Variants in ZC3H18 observed in about 807,000 individuals in gnomAD.
ZC3H18 encodes zinc finger CCCH domain-containing protein 18.
Under a neutral mutation model 106.1 loss-of-function variants are expected in ZC3H18, and 8 were observed. That is an observed-to-expected ratio of 0.08 (90% confidence interval 0.04 to 0.14). The LOEUF (loss-of-function observed/expected upper bound fraction) is 0.14. Ranked by LOEUF, ZC3H18 falls within the 10% of genes least tolerant of loss-of-function variation. The pLI is 1.00. For synonymous variants in ZC3H18, 635 were observed against 522.1 expected (o/e 1.22, Z -2.95); for missense variants, 1,318 against 1,278.4 (o/e 1.03, Z -0.47).
At chr16:88,570,991 C>T (rs1914366643) in intron 1 of ZC3H18, among the ~76,000 whole-genome samples, 3 of 152,216 alleles carry the variant, frequency 2.0e-5, no homozygotes, top group Admixed American at 6.5e-5. Context: ...ACTTTGAGCT[C>T]TTTATGAACC....
At chr16:88,615,058 CCT>C (rs1905502027) in intron 8 of ZC3H18, among the ~76,000 whole-genome samples, 1 of 150,942 alleles carries the variant, frequency 6.6e-6, no homozygotes, top group African/African-American at 2.4e-5. Context: ...GTTCCCTCTG[CCT>C]GGACGGGCTG....
intron 2 of ZC3H18, among the ~76,000 whole-genome samples, chr16:88,585,812 A>G (rs1448518197): frequency 1.3e-5 from 2 of 152,046 alleles, no homozygotes; most frequent in East Asian, 1.9e-4. Context: ...GAGGGGCCAC[A>G]TGGGACCGGT....
At chr16:88,595,400 T>G (rs2142651112) in intron 3 of ZC3H18, among the ~76,000 whole-genome samples, 1 of 152,338 alleles carries the variant, frequency 6.6e-6, no homozygotes, top group South Asian at 2.1e-4. Flanking sequence ...CACATAAATT[T>G]TGGGTTTGAA....
At chr16:88,620,916 A>C (rs1905917037) in intron 8 of ZC3H18, among the ~76,000 whole-genome samples, 1 of 152,206 alleles carries the variant, frequency 6.6e-6, no homozygotes, top group Non-Finnish European at 1.5e-5. Context: ...CCCAGTTTGG[A>C]GTGCAGTGGC....
intron 8 of ZC3H18, among the ~76,000 whole-genome samples, chr16:88,614,787 C>T (rs1055837767): frequency 6.6e-6 from 1 of 152,212 alleles, no homozygotes; most frequent in African/African-American, 2.4e-5. Flanking sequence ...GGATAGAAGC[C>T]CTTCCCCTAC....
At chr16:88,609,446 C>T (rs774707724) in intron 7 of ZC3H18, among the ~76,000 whole-genome samples, 1 of 152,002 alleles carries the variant, frequency 6.6e-6, no homozygotes, top group Non-Finnish European at 1.5e-5. Context: ...CACACGCATG[C>T]ACCACCATGC....
chr16:88,627,273 T>C lies in ZC3H18; in HGVS notation c.2109-349T>C, dbSNP rs1276485138. 1.1e-5 allele frequency: 2 copies of C among 185,164 alleles called. No individual in the cohort carries two copies. 11.5% of individuals were successfully genotyped at this position (185,164 alleles called of 1,614,324 possible). A position where few individuals can be genotyped will look rare whatever the true frequency, so the allele number is the denominator to read the frequency against. On this transcript the variant is annotated intron_variant, in intron 13 of 17. Coordinates refer to ENST00000301011, the MANE Select transcript of ZC3H18 (RefSeq NM_144604.4). The surrounding 1 kb of genome is among the most constrained non-coding windows in gnomAD (Gnocchi z 4.5). ...TTAGTAGAGATGGGGTTTTACCATG[T>C]TGGCCAAGCTGGTCCCGAACTCCTG...
At chr16:88,591,288 G>C (rs760263937) in intron 3 of ZC3H18, among the ~76,000 whole-genome samples, 6 of 149,990 alleles carry the variant, frequency 4.0e-5, no homozygotes, top group Non-Finnish European at 8.9e-5. Flanking sequence ...TTTTAAGACT[G>C]AATAATAGGT....
At position 88,622,641 on chromosome 16, in the gene ZC3H18, G is replaced by C; in HGVS notation, c.1667+253G>C. The C allele has an allele frequency of 6.1e-6, 3 of 490,824 alleles. No homozygotes were observed. The South Asian group carries it at 8.4e-5, about 14-fold the overall frequency. 30.4% of individuals were successfully genotyped at this position (490,824 alleles called of 1,614,324 possible). On this transcript the variant is annotated intron_variant, in intron 9 of 17. Coordinates refer to ENST00000301011, the MANE Select transcript of ZC3H18 (RefSeq NM_144604.4). Reference sequence around the variant, plus strand: ...GACTGAGCCTGACTGCTCCCAGGGAGTCACAGGCCACACTGGAGGGAGGGG... The same window carrying C: ...GACTGAGCCTGACTGCTCCCAGGGACTCACAGGCCACACTGGAGGGAGGGG...
In ZC3H18 at chr16:88,614,956, G is replaced by A. The variant is rs547808440; in HGVS notation, c.1475+3420G>A. On this transcript the variant is annotated intron_variant, in intron 8 of 17. Coordinates refer to ENST00000301011, the MANE Select transcript of ZC3H18 (RefSeq NM_144604.4). ...TTTCCTCCATTCCGTCTGCCTGGAC[G>A]GGCTGCCCCACCTCCTGTTCCCTCT... 3.6e-4 allele frequency among the ~76,000 whole-genome samples: 55 copies of A among 151,392 alleles called. 1 individual carries two copies. Among genetic ancestry groups the A allele is most frequent in the Admixed American group, 2.6e-3 (40 of 15,232 alleles).
In ZC3H18 at chr16:88,624,039, G is replaced by T. The variant is rs770960816; in HGVS notation, c.1875G>T (p.Pro625=). 2 of 1,614,032 alleles carry T rather than the reference G, an allele frequency of 1.2e-6. No individual in the cohort carries two copies. Among genetic ancestry groups the T allele is most frequent in the Admixed American group, 1.7e-5 (1 of 60,014 alleles). ...CTTCCATCAGAACCAAGGGAGAGCC[G>T]GCCCCGCCGCCCGGGAAAGCAGGGT... ...HRPSIRTKGE[P]APPPGKAGEK... is the part of the protein sequence containing the mutation. Residue 625 remains proline (P), a synonymous_variant, in exon 11 of 18, where the codon CCG becomes CCT. Transcript: ENST00000301011.
At chr16:88,623,147 G>A in intron 9 of ZC3H18, 72 bp from the exon 10 acceptor site, 3 of 1,563,614 alleles carry the variant, frequency 1.9e-6, no homozygotes, top group East Asian at 4.7e-5. Context: ...AGCTGTGCAT[G>A]TGTGCGTCAG....
intron 8 of ZC3H18, among the ~76,000 whole-genome samples, chr16:88,612,173 T>C (rs1302478226): frequency 6.6e-6 from 1 of 152,170 alleles, no homozygotes. Flanking sequence ...TCAAATATAC[T>C]TGACTGTTAG....
intron 3 of ZC3H18, among the ~76,000 whole-genome samples, chr16:88,596,197 C>T (rs1000875800): frequency 1.3e-5 from 2 of 152,210 alleles, no homozygotes; most frequent in African/African-American, 2.4e-5. Flanking sequence ...TTGTTCTCTT[C>T]TGCCTTGTTC....
chr16:88,596,431 GGA>G (rs1168112722), intron 3 of ZC3H18, among the ~76,000 whole-genome samples: 1 of 152,076 alleles, frequency 6.6e-6, no homozygotes, highest in African/African-American at 2.4e-5. Context: ...CACAAGGTCA[GGA>G]GTTCGAGACC....
At position 88,608,940 on chromosome 16, in the gene ZC3H18, G is replaced by A. The variant is rs1007663834; in HGVS notation, c.1095G>A (p.Glu365=). ...IPRDVRDTVL[E]PYADPYYDYE... is the part of the protein sequence containing the mutation. ...TTTCATTGGCCCTTTTCAGACTCGA[G>A]CCTTACGCAGACCCTTATTATGACT... Residue 365 remains glutamate, a synonymous_variant, in exon 7 of 18, where the codon GAG becomes GAA. Coordinates refer to ENST00000301011, the MANE Select transcript of ZC3H18 (RefSeq NM_144604.4). 1.9e-6 allele frequency: 3 copies of A among 1,611,718 alleles called. No individual in the cohort carries two copies. Among genetic ancestry groups the A allele is most frequent in the African/African-American group, 1.3e-5 (1 of 74,808 alleles).
At chr16:88,622,046 TG>T in intron 8 of ZC3H18, 150 bp from the exon 9 acceptor site, 1 of 866,514 alleles carries the variant, frequency 1.2e-6, no homozygotes, top group Non-Finnish European at 1.7e-6. Context: ...GTTTTGTGAG[TG>T]GCCTTTTTTC....
chr16:88,615,626 T>G (rs1905550462), intron 8 of ZC3H18, among the ~76,000 whole-genome samples: 1 of 151,792 alleles, frequency 6.6e-6, no homozygotes, highest in Non-Finnish European at 1.5e-5. Flanking sequence ...AAAATAGGGG[T>G]TTTCACGCCA....
intron 3 of ZC3H18, among the ~76,000 whole-genome samples, chr16:88,595,482 T>TC (rs1555534864): frequency 6.6e-6 from 1 of 150,620 alleles, no homozygotes; most frequent in African/African-American, 2.4e-5. Context: ...TTCTTTTTTT[T>TC]TTTTTTTTTT....
Sources: gnomAD v4.1 joint callset for allele counts (sites outside exome capture counted in the v4.1 genomes callset) on GRCh38, gnomAD v4.1.1 for gene constraint, Gnocchi (gnomAD v3.1) non-coding constraint, MANE v1.5 for transcripts, NCBI Gene and HGNC (gene_info 2026-07-23, HGNC 2026-07-21) for gene names.